The following HS6ST3 variants were observed in gnomAD, a reference collection of about 807,000 sequenced individuals.
HS6ST3 encodes heparan-sulfate 6-O-sulfotransferase 3.
HS6ST3 carries 12 observed loss-of-function variants against 36.7 expected under a neutral mutation model. That is an observed-to-expected ratio of 0.33 (90% CI 0.21 to 0.53). The LOEUF is 0.53. HS6ST3 is among the 20% of genes least tolerant of loss of function. The pLI is 0.95. For missense variants in HS6ST3, 584 were observed against 640.9 expected, an observed-to-expected ratio of 0.91 and a Z score of 0.96; for synonymous variants, 240 against 257.5, an observed-to-expected ratio of 0.93 and a Z score of 0.65.
At chr13:96,280,486 G>A (rs2054770261) in intron 1 of HS6ST3, among the ~76,000 whole-genome samples, 1 of 152,136 alleles carries the variant, frequency 6.6e-6, no homozygotes, top group Non-Finnish European at 1.5e-5. Flanking sequence ...GAAAGAAGAG[G>A]TGACAAATTC....
intron 1 of HS6ST3, among the ~76,000 whole-genome samples, chr13:96,178,029 G>A (rs1404316751): frequency 3.3e-5 from 5 of 152,024 alleles, no homozygotes; most frequent in Non-Finnish European, 7.4e-5. Flanking sequence ...CAAAGGGGAG[G>A]CCTTATCTTT....
chr13:96,647,993 G>C (rs568406399), intron 1 of HS6ST3, among the ~76,000 whole-genome samples: 2 of 151,626 alleles, frequency 1.3e-5, no homozygotes, highest in South Asian at 4.2e-4. Flanking sequence ...CTTTCCTTTG[G>C]CTTTAATTAC....
chr13:96,829,723 T>G (rs1259473329), intron 1 of HS6ST3, among the ~76,000 whole-genome samples: 1 of 152,216 alleles, frequency 6.6e-6, no homozygotes, highest in Non-Finnish European at 1.5e-5. Flanking sequence ...CTTTATCCAG[T>G]CTATCATTGA....
At chr13:96,664,111 G>T (rs2056655482) in intron 1 of HS6ST3, among the ~76,000 whole-genome samples, 1 of 152,010 alleles carries the variant, frequency 6.6e-6, no homozygotes, top group African/African-American at 2.4e-5. Flanking sequence ...AATGCAATAG[G>T]TAAATTTTGT....
chr13:96,713,354 C>G (rs1594842836), intron 1 of HS6ST3, among the ~76,000 whole-genome samples: 1 of 152,268 alleles, frequency 6.6e-6, no homozygotes, highest in South Asian at 2.1e-4. Flanking sequence ...TCCATTAGAT[C>G]TTAACATTTC....
At chr13:96,188,439 AC>A (rs55778492) in intron 1 of HS6ST3, among the ~76,000 whole-genome samples, 142,656 of 152,162 alleles carry the variant, frequency 0.94, 66,963 homozygotes, top group Non-Finnish European at 0.96. Flanking sequence ...ACATCGTGAG[AC>A]CCCCCCATCG....
chr13:96,500,637 A>G (rs1318462998), intron 1 of HS6ST3, among the ~76,000 whole-genome samples: 1 of 152,186 alleles, frequency 6.6e-6, no homozygotes, highest in Non-Finnish European at 1.5e-5. Context: ...ATGGACCTCC[A>G]GTGATAGTCA....
intron 1 of HS6ST3, among the ~76,000 whole-genome samples, chr13:96,443,802 G>A (rs1220920427): frequency 1.3e-5 from 2 of 152,160 alleles, no homozygotes; most frequent in Non-Finnish European, 2.9e-5. Flanking sequence ...TTATGGCAAA[G>A]TAAGTACTTG....
intron 1 of HS6ST3, among the ~76,000 whole-genome samples, chr13:96,223,481 A>T (rs899248215): frequency 1.3e-5 from 2 of 152,216 alleles, no homozygotes; most frequent in African/African-American, 2.4e-5. Context: ...CGGTGTTGGC[A>T]GTGTTGATAT....
At chr13:96,793,816 A>C (rs1393617134) in intron 1 of HS6ST3, among the ~76,000 whole-genome samples, 13 of 152,052 alleles carry the variant, frequency 8.5e-5, no homozygotes, top group Admixed American at 8.5e-4. Flanking sequence ...CCTGGAAAAC[A>C]AAAATGTATA....
chr13:96,159,130 A>G (rs2054124549), intron 1 of HS6ST3, among the ~76,000 whole-genome samples: 2 of 152,168 alleles, frequency 1.3e-5, no homozygotes, highest in Admixed American at 1.3e-4. Context: ...GAGTATCCAG[A>G]GGAAGTGACA....
At chr13:96,627,574 G>T (rs1170929599) in intron 1 of HS6ST3, among the ~76,000 whole-genome samples, 1 of 151,850 alleles carries the variant, frequency 6.6e-6, no homozygotes, top group Non-Finnish European at 1.5e-5. Context: ...TCTATTCTCT[G>T]AAGTGGTTTG....
At chr13:96,412,364 G>A (rs998380007) in intron 1 of HS6ST3, among the ~76,000 whole-genome samples, 5 of 152,166 alleles carry the variant, frequency 3.3e-5, no homozygotes, top group African/African-American at 9.7e-5. Context: ...TGGGGCCCAG[G>A]AAGATGATCA....
chr13:96,347,588 A>G (rs1308196757), intron 1 of HS6ST3, among the ~76,000 whole-genome samples: 4 of 152,244 alleles, frequency 2.6e-5, no homozygotes, highest in Admixed American at 6.5e-5. Flanking sequence ...TGACTCAACC[A>G]TGGTTAACAT....
At chr13:96,358,105 A>G (rs911251168) in intron 1 of HS6ST3, among the ~76,000 whole-genome samples, 2 of 152,228 alleles carry the variant, frequency 1.3e-5, no homozygotes, top group African/African-American at 2.4e-5. Context: ...AAAATGATCT[A>G]TGCCTGTAGA....
intron 1 of HS6ST3, among the ~76,000 whole-genome samples, chr13:96,779,315 T>TTAA (rs1877469250): frequency 7.5e-6 from 1 of 133,162 alleles, no homozygotes; most frequent in African/African-American, 3.6e-5. Flanking sequence ...ACTTAAAGTA[T>TTAA]CAATAATAAT....
intron 1 of HS6ST3, among the ~76,000 whole-genome samples, chr13:96,658,682 C>A (rs2056635813): frequency 6.6e-6 from 1 of 151,138 alleles, no homozygotes; most frequent in Non-Finnish European, 1.5e-5. Context: ...TATATGAACT[C>A]TTTTATTTAT....
At chr13:96,481,326 C>G (rs1200059191) in intron 1 of HS6ST3, among the ~76,000 whole-genome samples, 1 of 152,194 alleles carries the variant, frequency 6.6e-6, no homozygotes, top group Admixed American at 6.5e-5. Flanking sequence ...AAGCCAGAAA[C>G]AAGAGCTCTG....
Position 96,353,030 on chromosome 13 carries a change from C to T in HS6ST3, c.707+261461C>T, listed in dbSNP as rs545675514. Reference sequence around the variant, plus strand: ...AAGTGGAAAGAGGGTTGAGTGTTTACTAGAGCTAGCGTATTCTTTTTTTTT... The same window carrying T: ...AAGTGGAAAGAGGGTTGAGTGTTTATTAGAGCTAGCGTATTCTTTTTTTTT... On this transcript the variant is annotated intron_variant, in intron 1 of 1. Transcript: ENST00000376705. Among the ~76,000 whole-genome samples the T allele has an allele frequency of 8.3e-5, 12 of 143,764 alleles. No homozygotes were observed. The East Asian group carries it at 2.6e-3, about 31-fold the overall frequency. 94.3% of individuals were successfully genotyped at this position (143,764 alleles called of 152,430 possible).
Sources: gnomAD v4.1 joint callset for allele counts (sites outside exome capture counted in the v4.1 genomes callset) on GRCh38, gnomAD v4.1.1 for gene constraint, MANE v1.5 for transcripts, NCBI Gene and HGNC (gene_info 2026-07-23, HGNC 2026-07-21) for gene names.